The following TENM2 variants were observed in gnomAD, a reference collection of about 807,000 sequenced individuals.
TENM2 encodes the protein teneurin transmembrane protein 2.
In TENM2, 52 loss-of-function variants were observed where a neutral mutation model predicts 245.2. That is an observed-to-expected ratio of 0.21 (90% CI 0.17 to 0.27). The LOEUF (loss-of-function observed/expected upper bound fraction) is 0.27, where lower values mean the gene tolerates loss of function less well. TENM2 is among the 10% of genes least tolerant of loss of function. TENM2 has a pLI of 1.00. For missense variants in TENM2, 3,046 were observed against 3,666.8 expected, an observed-to-expected ratio of 0.83 and a Z score of 4.37; for synonymous variants, 1,363 against 1,438.9, an observed-to-expected ratio of 0.95 and a Z score of 1.19.
In TENM2 at chr5:167,515,207, G is replaced by A. The variant is rs549571584; in HGVS notation, c.502+139734G>A. ...AATTCGCTTTGCCAATGACATTTAA[G>A]CATGAAACTTAACAACCATATAGGC... On this transcript the variant is annotated intron_variant, in intron 2 of 28. Transcript: ENST00000518659. Among the ~76,000 whole-genome samples the A allele has an allele frequency of 8.5e-5, 13 of 152,108 alleles. No homozygotes were observed. The South Asian group carries it at 1.0e-3, about 12-fold the overall frequency.
intron 1 of TENM2, among the ~76,000 whole-genome samples, chr5:167,327,588 A>G (rs1757165127): frequency 6.6e-6 from 1 of 152,230 alleles, no homozygotes; most frequent in Non-Finnish European, 1.5e-5. Context: ...CCTTAGAGAC[A>G]GCATGTTCAG....
the TENM2 span, among the ~76,000 whole-genome samples, chr5:167,107,976 G>T: frequency 6.6e-6 from 1 of 152,178 alleles, no homozygotes; most frequent in Non-Finnish European, 1.5e-5. Context: ...ACAGAGGGCA[G>T]CCAATGGATA....
the TENM2 span, among the ~76,000 whole-genome samples, chr5:167,047,434 T>C: frequency 1.4e-5 from 1 of 71,310 alleles, no homozygotes; most frequent in Non-Finnish European, 4.5e-5. Flanking sequence ...AGTTCCAAAT[T>C]GATAACCTCT....
chr5:167,778,094 G>GA (rs1285630688), intron 2 of TENM2, among the ~76,000 whole-genome samples: 2 of 152,166 alleles, frequency 1.3e-5, no homozygotes, highest in African/African-American at 4.8e-5. Context: ...GCCTTTTATA[G>GA]AAAAAATGTG....
At chr5:168,159,984 A>AT (rs1757598666) in intron 12 of TENM2, among the ~76,000 whole-genome samples, 1 of 152,208 alleles carries the variant, frequency 6.6e-6, no homozygotes, top group Non-Finnish European at 1.5e-5. Flanking sequence ...TTCCTATACA[A>AT]TGAGGCTTCT....
At chr5:167,962,781 C>A (rs1781110925) in intron 4 of TENM2, among the ~76,000 whole-genome samples, 1 of 152,156 alleles carries the variant, frequency 6.6e-6, no homozygotes, top group African/African-American at 2.4e-5. Context: ...ACTATCACGA[C>A]AACAGTATGA....
the TENM2 span, among the ~76,000 whole-genome samples, chr5:167,255,999 C>G: frequency 6.6e-6 from 1 of 152,028 alleles, no homozygotes; most frequent in Admixed American, 6.6e-5. Context: ...TGTAAAATGT[C>G]TTGGGAAGCT....
intron 3 of TENM2, among the ~76,000 whole-genome samples, chr5:167,894,494 C>G (rs1775015689): frequency 1.3e-5 from 2 of 152,076 alleles, no homozygotes; most frequent in Non-Finnish European, 2.9e-5. Context: ...TCTTTGGAAA[C>G]ATCCAAACTC....
intron 2 of TENM2, among the ~76,000 whole-genome samples, chr5:167,575,007 T>A (rs1403816251): frequency 1.3e-5 from 2 of 152,088 alleles, no homozygotes; most frequent in Non-Finnish European, 2.9e-5. Flanking sequence ...CTACTTCTGT[T>A]GTTTTAAAGT....
chr5:167,021,006 T>C, the TENM2 span, among the ~76,000 whole-genome samples: 1 of 152,060 alleles, frequency 6.6e-6, no homozygotes, highest in African/African-American at 2.4e-5. Flanking sequence ...TAGCTGGGCA[T>C]GGTGGCAGGT....
chr5:167,572,860 C>T (rs773251697), intron 2 of TENM2, among the ~76,000 whole-genome samples: 2 of 152,212 alleles, frequency 1.3e-5, no homozygotes, highest in Admixed American at 1.3e-4. Flanking sequence ...CTAGGACTCA[C>T]GAAAGCAATC....
At chr5:167,854,925 G>C (rs1254418139) in intron 2 of TENM2, among the ~76,000 whole-genome samples, 1 of 152,050 alleles carries the variant, frequency 6.6e-6, no homozygotes, top group Admixed American at 6.6e-5. Context: ...TGACCTGGAT[G>C]GATTATTCTT....
At chr5:167,633,538 T>G (rs1368765234) in intron 2 of TENM2, among the ~76,000 whole-genome samples, 1 of 152,200 alleles carries the variant, frequency 6.6e-6, no homozygotes, top group Non-Finnish European at 1.5e-5. Context: ...TAATCCAAGC[T>G]AATTTTACTT....
At chr5:168,160,638 A>G (rs547080104) in intron 12 of TENM2, among the ~76,000 whole-genome samples, 9 of 152,230 alleles carry the variant, frequency 5.9e-5, no homozygotes, top group Non-Finnish European at 1.0e-4. Context: ...AGAGGCAGCA[A>G]GCACTGAAGA....
chr5:168,221,068 C>T (rs1014640549), intron 23 of TENM2, among the ~76,000 whole-genome samples: 5 of 151,314 alleles, frequency 3.3e-5, no homozygotes, highest in Admixed American at 6.6e-5. Flanking sequence ...GTTGAGATCA[C>T]GCAGCTGTAC....
chr5:167,420,518 G>C (rs541769704), intron 2 of TENM2, among the ~76,000 whole-genome samples: 1 of 152,030 alleles, frequency 6.6e-6, no homozygotes, highest in Admixed American at 6.6e-5. Flanking sequence ...CCAGCCATGC[G>C]GTCTTTGAAT....
chr5:168,243,650 A>G (rs1766298631), intron 25 of TENM2, among the ~76,000 whole-genome samples: 2 of 152,212 alleles, frequency 1.3e-5, no homozygotes, highest in Non-Finnish European at 2.9e-5. Flanking sequence ...AAGAGTTCCA[A>G]GTGTGCAAAT....
At chr5:167,473,433 G>T (rs898304662) in intron 2 of TENM2, among the ~76,000 whole-genome samples, 1 of 152,102 alleles carries the variant, frequency 6.6e-6, no homozygotes, top group Non-Finnish European at 1.5e-5. Context: ...GAGCTAAATA[G>T]CACATTTCTT....
chr5:167,566,252 A>G (rs1345978524), intron 2 of TENM2, among the ~76,000 whole-genome samples: 1 of 152,042 alleles, frequency 6.6e-6, no homozygotes, highest in Non-Finnish European at 1.5e-5. Context: ...AGCCGTTTAA[A>G]TGCAGAATTT....
Sources: allele counts gnomAD v4.1 joint callset (sites outside exome capture counted in the v4.1 genomes callset), GRCh38; gene constraint gnomAD v4.1.1; transcripts MANE v1.5; gene names NCBI Gene and HGNC (gene_info 2026-07-23, HGNC 2026-07-21).